The following IFT88 variants were observed in gnomAD, a reference collection of about 807,000 sequenced individuals.
IFT88 encodes the protein intraflagellar transport protein 88 homolog.
In IFT88, 74 loss-of-function variants were observed where a neutral mutation model predicts 119.5. The ratio of observed to expected loss-of-function variants is 0.62; its 90% confidence interval spans 0.51 to 0.75. IFT88 has a LOEUF of 0.75. Ranked by LOEUF, IFT88 falls within the 30% of genes least tolerant of loss-of-function variation. IFT88 has a pLI of 0.00. For missense variants in IFT88, 961 were observed against 977.7 expected (o/e 0.98, Z 0.23); for synonymous variants, 279 against 316.7 (o/e 0.88, Z 1.26).
chr13:20,645,756 G>A (rs993733272), intron 20 of IFT88, among the ~76,000 whole-genome samples: 1 of 152,060 alleles, frequency 6.6e-6, no homozygotes, highest in African/African-American at 2.4e-5. Context: ...CTTCTGCTTT[G>A]TATTTGGCCA....
chr13:20,625,824 A>C lies in IFT88; in HGVS notation c.1274A>C (p.Tyr425Ser). 6.3e-7 allele frequency: 1 copy of C among 1,598,060 alleles called. No individual in the cohort carries two copies. Among genetic ancestry groups the C allele is most frequent in the Non-Finnish European group, 8.5e-7 (1 of 1,175,652 alleles). The change falls in exon 15 of 26, where the codon TAC (tyrosine) becomes TCC (serine). Residue 425 changes from tyrosine to serine, a missense_variant. By Grantham distance (144) the Tyr-to-Ser change is moderately radical. Coordinates refer to ENST00000351808, the MANE Select transcript of IFT88 (RefSeq NM_006531.5). Reference sequence around the variant, plus strand: ...CTGGAAATAAACAAAGCAGTTACATACTTGAGACAAAAAGACTATAACCAA... The same window carrying C: ...CTGGAAATAAACAAAGCAGTTACATCCTTGAGACAAAAAGACTATAACCAA... ...NDLEINKAVT[Y>S]LRQKDYNQAV...
At chr13:20,666,814 T>C (rs530598732) in intron 23 of IFT88, among the ~76,000 whole-genome samples, 16 of 152,240 alleles carry the variant, frequency 1.1e-4, no homozygotes, top group Admixed American at 6.5e-4. Context: ...CAAACAAAAA[T>C]ATATAAAGAA....
intron 11 of IFT88, 141 bp downstream of exon 11, chr13:20,599,706 TC>T (rs1287225870): frequency 3.1e-5 from 17 of 553,902 alleles, no homozygotes; most frequent in Non-Finnish European, 5.1e-5. Flanking sequence ...TTTGATCTGT[TC>T]CCTTCTTACT....
chr13:20,585,817 ATTTG>A (rs1222178989), intron 3 of IFT88, among the ~76,000 whole-genome samples: 1 of 152,184 alleles, frequency 6.6e-6, no homozygotes, highest in Non-Finnish European at 1.5e-5. Flanking sequence ...TATTTTATTT[ATTTG>A]TTTAATTCTT....
chr13:20,595,870 T>C (rs1031502775), intron 7 of IFT88, among the ~76,000 whole-genome samples: 7 of 151,866 alleles, frequency 4.6e-5, no homozygotes, highest in African/African-American at 1.7e-4. Flanking sequence ...ATGAGGAGAC[T>C]CTGTCACTAC....
chr13:20,620,962 C>CAG lies in IFT88; in HGVS notation c.1200-4787_1200-4786dup, dbSNP rs565786049. ...AAGCAGGAAGTGGTCACTCACCAGACAGCCAGCCTGCTGGCGCCTTGTTCT... is the reference window on the plus strand; with the variant it reads ...AAGCAGGAAGTGGTCACTCACCAGACAGAGCCAGCCTGCTGGCGCCTTGTTCT... On this transcript the variant is annotated intron_variant, in intron 14 of 25. Coordinates refer to ENST00000351808, the MANE Select transcript of IFT88 (RefSeq NM_006531.5). 7.9e-5 allele frequency among the ~76,000 whole-genome samples: 12 copies of CAG among 152,356 alleles called. No individual in the cohort carries two copies. The East Asian group carries it at 2.3e-3, about 29-fold the overall frequency.
intron 20 of IFT88, among the ~76,000 whole-genome samples, chr13:20,648,649 TAGC>T (rs571914611): frequency 1.3e-5 from 2 of 151,952 alleles, no homozygotes; most frequent in Non-Finnish European, 2.9e-5. Context: ...AGAAAACAAA[TAGC>T]AGAAGCAAAT....
chr13:20,677,465 T>C (rs1291788119), intron 24 of IFT88, among the ~76,000 whole-genome samples: 3 of 152,192 alleles, frequency 2.0e-5, no homozygotes, highest in Non-Finnish European at 4.4e-5. Context: ...GTTGGGAAAG[T>C]ACTTTGGATC....
chr13:20,671,133 T>A, intron 24 of IFT88, 94 bp downstream of exon 24: 1 of 984,216 alleles, frequency 1.0e-6, no homozygotes, highest in South Asian at 1.5e-5. Flanking sequence ...AGTGTTCTTA[T>A]GTGTCTGTCG....
chr13:20,655,283 T>G (rs991333777), intron 21 of IFT88, among the ~76,000 whole-genome samples: 13 of 151,570 alleles, frequency 8.6e-5, no homozygotes, highest in Non-Finnish European at 1.6e-4. Flanking sequence ...AATACAAAAA[T>G]TAGCTGGGCT....
intron 21 of IFT88, among the ~76,000 whole-genome samples, chr13:20,654,982 C>T (rs2052484825): frequency 6.6e-6 from 1 of 152,162 alleles, no homozygotes; most frequent in Non-Finnish European, 1.5e-5. Context: ...CTATTTCATC[C>T]CTCTTGTAGA....
At chr13:20,641,517 G>A in intron 18 of IFT88, 119 bp downstream of exon 18, 1 of 586,786 alleles carries the variant, frequency 1.7e-6, no homozygotes, top group Admixed American at 2.6e-5. Flanking sequence ...TGAAGTAAGT[G>A]ATGAGGATAA....
At chr13:20,688,966 A>T (rs1261279021) in intron 24 of IFT88, among the ~76,000 whole-genome samples, 1 of 152,110 alleles carries the variant, frequency 6.6e-6, no homozygotes, top group Non-Finnish European at 1.5e-5. Flanking sequence ...ACAGAATCTC[A>T]CCCTGTAGCC....
chr13:20,597,770 T>TATATATATATATATATATATATATATA (rs373031113), intron 9 of IFT88, among the ~76,000 whole-genome samples: 1 of 142,468 alleles, frequency 7.0e-6, no homozygotes, highest in South Asian at 2.2e-4. Context: ...TATATATATA[T>TATATATATATATATATATATATATATA]TTTTTTTTTG....
At chr13:20,651,102 A>G (rs900167745) in intron 20 of IFT88, among the ~76,000 whole-genome samples, 1 of 152,052 alleles carries the variant, frequency 6.6e-6, no homozygotes, top group African/African-American at 2.4e-5. Context: ...TAAAATCAGG[A>G]AGCATGAGTT....
Position 20,634,220 on chromosome 13 carries a change from TGAGA to T in IFT88, c.1386+3123_1386+3126del, listed in dbSNP as rs1287553296. Among the ~76,000 whole-genome samples the T allele has an allele frequency of 2.2e-4, 33 of 152,268 alleles. No individual in the cohort carries two copies. In the East Asian group the frequency reaches 5.6e-3, roughly 26 times the overall value. On this transcript the variant is annotated intron_variant, in intron 16 of 25. Coordinates refer to ENST00000351808, the MANE Select transcript of IFT88 (RefSeq NM_006531.5). ...ATTATTTTGTTGAACAAAACAAACA[TGAGA>T]GAGAATCATACCTGAATGAGTCGTA... is the stretch of plus-strand genomic sequence containing the variant.
intron 14 of IFT88, among the ~76,000 whole-genome samples, chr13:20,620,501 C>T (rs2046298874): frequency 6.6e-6 from 1 of 152,140 alleles, no homozygotes; most frequent in South Asian, 2.1e-4. Context: ...AACCTAACCC[C>T]CAAGGTGGTA....
intron 1 of IFT88, among the ~76,000 whole-genome samples, chr13:20,572,461 C>T (rs2137888523): frequency 6.6e-6 from 1 of 152,236 alleles, no homozygotes; most frequent in South Asian, 2.1e-4. Context: ...TCAAGTAATC[C>T]ACCCGTCTTG....
intron 2 of IFT88, among the ~76,000 whole-genome samples, chr13:20,579,857 A>G (rs1038376751): frequency 2.6e-5 from 4 of 152,182 alleles, no homozygotes; most frequent in Admixed American, 6.5e-5. Context: ...AGGGCCCTTT[A>G]TTCAGCAGTG....
Sources: gnomAD v4.1 joint callset for allele counts (sites outside exome capture counted in the v4.1 genomes callset) on GRCh38, gnomAD v4.1.1 for gene constraint, MANE v1.5 for transcripts, NCBI Gene and HGNC (gene_info 2026-07-23, HGNC 2026-07-21) for gene names.